EFNA5: variants seen among roughly 807,000 people sequenced by gnomAD.
EFNA5 encodes the protein ephrin A5.
A neutral mutation model predicts 22.9 loss-of-function variants in EFNA5; 5 were observed. That is an observed-to-expected ratio of 0.22 (90% CI 0.11 to 0.46). The LOEUF (loss-of-function observed/expected upper bound fraction) is 0.46, where lower values mean the gene tolerates loss of function less well. EFNA5 is among the 20% of genes least tolerant of loss of function. EFNA5 has a pLI of 0.99. For synonymous variants in EFNA5, 113 were observed against 112.2 expected, an observed-to-expected ratio of 1.01 and a Z score of -0.04; for missense variants, 237 against 293.3, an observed-to-expected ratio of 0.81 and a Z score of 1.40.
chr5:107,423,120 T>C (rs572870170), intron 2 of EFNA5, among the ~76,000 whole-genome samples: 1 of 152,302 alleles, frequency 6.6e-6, no homozygotes, highest in East Asian at 1.9e-4. Flanking sequence ...TATAATTACA[T>C]TATTTTACAG....
chr5:107,599,573 T>C (rs1233752100), intron 1 of EFNA5, among the ~76,000 whole-genome samples: 4 of 152,230 alleles, frequency 2.6e-5, no homozygotes, highest in Non-Finnish European at 4.4e-5. Flanking sequence ...TCTGAATGTA[T>C]TAACTACTAA....
At chr5:107,583,724 A>G (rs58882389) in intron 1 of EFNA5, among the ~76,000 whole-genome samples, 32,817 of 152,150 alleles carry the variant, frequency 0.22, 4,824 homozygotes, top group African/African-American at 0.42. Flanking sequence ...GTAGACAGAC[A>G]TGAAAACTGC....
Position 107,427,271 on chromosome 5 carries a change from TG to T in EFNA5, c.363del (p.Phe121LeufsTer6). The part of the protein sequence containing the change: ...PLKFSEKFQL[F>X]TPFSLGFEFR... The stretch of plus-strand genomic sequence containing the variant: ...AATTCAAATCCTAGAGAAAAGGGAG[TG>T]AAGAGCTGGAATTTTTCAGAGAACT... On this transcript the variant is annotated frameshift_variant, in exon 2 of 5. Coordinates refer to ENST00000333274, the MANE Select transcript of EFNA5 (RefSeq NM_001962.3). LOFTEE classifies it high-confidence loss of function. The T allele has an allele frequency of 6.2e-7, 1 of 1,613,764 alleles. No individual in the cohort carries two copies. The highest frequency in any genetic ancestry group is 8.5e-7 in the Non-Finnish European group (1 of 1,179,968).
intron 1 of EFNA5, among the ~76,000 whole-genome samples, chr5:107,476,733 CTT>C (rs1047916231): frequency 1.8e-5 from 2 of 114,046 alleles, no homozygotes; most frequent in African/African-American, 4.6e-5. Flanking sequence ...TATTTTTTCT[CTT>C]TCTCTCTCTC....
At chr5:107,387,586 T>A in intron 3 of EFNA5, 120 bp downstream of exon 3, 2 of 735,180 alleles carry the variant, frequency 2.7e-6, no homozygotes, top group Non-Finnish European at 4.7e-6. Context: ...AATGTTGATA[T>A]ACAAAACAGA....
intron 2 of EFNA5, among the ~76,000 whole-genome samples, chr5:107,419,978 C>T (rs759368010): frequency 6.6e-6 from 1 of 152,118 alleles, no homozygotes; most frequent in Non-Finnish European, 1.5e-5. Context: ...AAAAAGACTA[C>T]CTCCTGCTTT....
At chr5:107,483,702 C>T (rs954891348) in intron 1 of EFNA5, among the ~76,000 whole-genome samples, 2 of 152,138 alleles carry the variant, frequency 1.3e-5, no homozygotes, top group African/African-American at 4.8e-5. Flanking sequence ...ACAAGTATGA[C>T]TTTTAAGAGA....
At chr5:107,603,044 G>T (rs1045802253) in intron 1 of EFNA5, among the ~76,000 whole-genome samples, 1 of 152,170 alleles carries the variant, frequency 6.6e-6, no homozygotes, top group Non-Finnish European at 1.5e-5. Flanking sequence ...CTTAATGAGG[G>T]TCCTGGTTCT....
intron 2 of EFNA5, among the ~76,000 whole-genome samples, chr5:107,417,136 G>C (rs1339037951): frequency 1.3e-5 from 2 of 151,992 alleles, no homozygotes; most frequent in African/African-American, 4.8e-5. Context: ...TGTTTTTATG[G>C]GTTTACATGC....
intron 2 of EFNA5, among the ~76,000 whole-genome samples, chr5:107,420,966 T>C (rs1748642020): frequency 6.6e-6 from 1 of 152,196 alleles, no homozygotes; most frequent in Non-Finnish European, 1.5e-5. Flanking sequence ...TTGAAACACA[T>C]CGATAGTTAA....
chr5:107,640,981 T>C (rs201593589), intron 1 of EFNA5, among the ~76,000 whole-genome samples: 13 of 96,346 alleles, frequency 1.3e-4, no homozygotes, highest in Middle Eastern at 5.2e-3. Flanking sequence ...GGCAGGTAGA[T>C]AGATAGATAG....
chr5:107,476,444 C>T (rs1372350704), intron 1 of EFNA5, among the ~76,000 whole-genome samples: 2 of 152,036 alleles, frequency 1.3e-5, no homozygotes, highest in African/African-American at 4.8e-5. Context: ...AAAACAAGAA[C>T]CCAGAGCTGT....
chr5:107,394,419 C>CT (rs1385200028), intron 2 of EFNA5, among the ~76,000 whole-genome samples: 2 of 152,110 alleles, frequency 1.3e-5, no homozygotes, highest in African/African-American at 2.4e-5. Context: ...GGGGATGTTT[C>CT]TTTTAAAAAC....
intron 1 of EFNA5, among the ~76,000 whole-genome samples, chr5:107,515,370 T>TATC (rs1234174075): frequency 6.8e-6 from 1 of 146,912 alleles, no homozygotes; most frequent in Non-Finnish European, 1.5e-5. Context: ...ATTTTATTAT[T>TATC]ATTATTATTA....
chr5:107,412,139 T>A (rs1364809001), intron 2 of EFNA5, among the ~76,000 whole-genome samples: 4 of 152,168 alleles, frequency 2.6e-5, no homozygotes, highest in African/African-American at 9.6e-5. Flanking sequence ...TTTAAAAATA[T>A]AGATTGGGTG....
At chr5:107,643,559 C>T (rs1280541797) in intron 1 of EFNA5, among the ~76,000 whole-genome samples, 2 of 152,066 alleles carry the variant, frequency 1.3e-5, no homozygotes, top group Non-Finnish European at 2.9e-5. Context: ...TGATTGTCTC[C>T]AGAAGCACCT....
At chr5:107,395,193 C>T (rs767067955) in intron 2 of EFNA5, among the ~76,000 whole-genome samples, 4 of 151,990 alleles carry the variant, frequency 2.6e-5, no homozygotes, top group Admixed American at 6.6e-5. Flanking sequence ...TGCATGCCAA[C>T]ATGCCTGGCT....
At chr5:107,575,396 C>G (rs1234400173) in intron 1 of EFNA5, among the ~76,000 whole-genome samples, 1 of 152,130 alleles carries the variant, frequency 6.6e-6, no homozygotes, top group African/African-American at 2.4e-5. Flanking sequence ...CCATGTATCC[C>G]AAAGGAGAAA....
chr5:107,410,308 T>C (rs1001259338), intron 2 of EFNA5, among the ~76,000 whole-genome samples: 4 of 152,250 alleles, frequency 2.6e-5, no homozygotes, highest in Middle Eastern at 3.4e-3. Context: ...ACATGAGTCT[T>C]TGAAGGAAGA....
Sources: gnomAD v4.1 joint callset for allele counts (sites outside exome capture counted in the v4.1 genomes callset) on GRCh38, gnomAD v4.1.1 for gene constraint, MANE v1.5 for transcripts, NCBI Gene and HGNC (gene_info 2026-07-23, HGNC 2026-07-21) for gene names.